The following ADGRE1 variants were observed in gnomAD, a reference collection of about 807,000 sequenced individuals.
ADGRE1 encodes EGF-like module receptor 1.
In ADGRE1, 82 loss-of-function variants were observed where a neutral mutation model predicts 102.7. The ratio of observed to expected loss-of-function variants is 0.80; its 90% CI spans 0.67 to 0.96. ADGRE1 has a LOEUF of 0.96. Among genes scored for constraint, ADGRE1 ranks in the 40% least tolerant of loss-of-function variants. The pLI, the probability that ADGRE1 is intolerant of heterozygous loss-of-function variation, is 0.00. For synonymous variants in ADGRE1, 398 were observed against 399.6 expected, an observed-to-expected ratio of 1.00 and a Z score of 0.05; for missense variants, 1,032 against 1,085.3, an observed-to-expected ratio of 0.95 and a Z score of 0.69.
At chr19:6,919,194 G>A (rs914396679) in intron 12 of ADGRE1, among the ~76,000 whole-genome samples, 2 of 152,004 alleles carry the variant, frequency 1.3e-5, no homozygotes, top group Admixed American at 6.6e-5. Context: ...CACCACGCCC[G>A]GCTAATTTTT....
rs944291807 is a variant in ADGRE1, at chr19:6,897,311, C to G, written c.394+7C>G. The stretch of plus-strand genomic sequence containing the variant: ...GGCAATTTCTCCTGTACTGGTAATG[C>G]TCTCAGGTTCCCAGGGATGGGTCTT... On this transcript the variant is annotated splice_region_variant and intron_variant, in intron 4 of 20. Transcript: ENST00000312053. The G allele has an allele frequency of 1.2e-6, 2 of 1,613,846 alleles. No individual in the cohort carries two copies. The highest frequency in any genetic ancestry group is 1.3e-5 in the African/African-American group (1 of 74,932).
intron 20 of ADGRE1, among the ~76,000 whole-genome samples, chr19:6,938,084 C>T (rs1975503064): frequency 6.6e-6 from 1 of 151,838 alleles, no homozygotes; most frequent in African/African-American, 2.4e-5. Context: ...CACCTGTAAT[C>T]CCAACACTTT....
intron 2 of ADGRE1, among the ~76,000 whole-genome samples, chr19:6,892,445 A>G (rs1177069536): frequency 2.6e-5 from 4 of 152,114 alleles, no homozygotes; most frequent in Non-Finnish European, 5.9e-5. Context: ...TGTTGCTTTA[A>G]AAAAATCCTG....
chr19:6,887,727 C>T (rs1973203044), intron 1 of ADGRE1, 88 bp downstream of exon 1: 1 of 1,411,330 alleles, frequency 7.1e-7, no homozygotes, highest in Non-Finnish European at 9.7e-7. Context: ...ATGGTCCAGC[C>T]AAGAGATCAT....
chr19:6,908,921 G>A, intron 10 of ADGRE1, 149 bp downstream of exon 10: 3 of 681,248 alleles, frequency 4.4e-6, no homozygotes, highest in Non-Finnish European at 7.2e-6. Context: ...ATCACTTGAG[G>A]TCAGGAGTTC....
Position 6,898,368 on chromosome 19 carries a change from G to T in ADGRE1, c.514+821G>T, listed in dbSNP as rs935637508. ...GTCCTAATTCATCCTGCAAAAACAT[G>T]TCAGGGAGGTACAAGTGCAGCTGTT... On this transcript the variant is annotated intron_variant, in intron 5 of 20. Coordinates refer to ENST00000312053, the MANE Select transcript of ADGRE1 (RefSeq NM_001974.5). 11 of 1,598,554 alleles carry T rather than the reference G, an allele frequency of 6.9e-6. No homozygotes were observed. In the African/African-American group the frequency reaches 1.3e-4, roughly 20 times the overall value.
At position 6,902,029 on chromosome 19, in the gene ADGRE1, G is replaced by C. The variant is rs1383925753; in HGVS notation, c.661+8G>C. The C allele has an allele frequency of 6.8e-6, 11 of 1,613,952 alleles. No homozygotes were observed. Among genetic ancestry groups the C allele is most frequent in the African/African-American group, 1.3e-5 (1 of 74,916 alleles). ...TCAAAGCATCGTGTGAAGGTAGGTG[G>C]GGGTGTCTTCTGAGAAGTCAGGTCC... On this transcript the variant is annotated splice_region_variant and intron_variant, in intron 6 of 20. Coordinates refer to ENST00000312053, the MANE Select transcript of ADGRE1 (RefSeq NM_001974.5).
At chr19:6,908,410 C>T (rs988945887) in intron 9 of ADGRE1, among the ~76,000 whole-genome samples, 6 of 152,168 alleles carry the variant, frequency 3.9e-5, no homozygotes, top group African/African-American at 7.2e-5. Context: ...TCTCTAGTGC[C>T]GCTGGCTTAG....
At chr19:6,930,553 A>T (rs1320979397) in intron 17 of ADGRE1, among the ~76,000 whole-genome samples, 1 of 152,244 alleles carries the variant, frequency 6.6e-6, no homozygotes. Context: ...TCAACGAGGT[A>T]TCTGTCCCCT....
chr19:6,893,181 ATTCT>A (rs1973437973), intron 2 of ADGRE1, among the ~76,000 whole-genome samples: 2 of 152,026 alleles, frequency 1.3e-5, no homozygotes, highest in Non-Finnish European at 2.9e-5. Context: ...ATGGGATTTC[ATTCT>A]TTCTTTCTTT....
chr19:6,930,144 C>T (rs1188334397), intron 17 of ADGRE1, among the ~76,000 whole-genome samples: 1 of 152,170 alleles, frequency 6.6e-6, no homozygotes, highest in Non-Finnish European at 1.5e-5. Context: ...ACTTCCTTAC[C>T]CTCACTATCT....
intron 11 of ADGRE1, among the ~76,000 whole-genome samples, chr19:6,914,558 A>G (rs1404145102): frequency 6.6e-6 from 1 of 152,256 alleles, no homozygotes; most frequent in African/African-American, 2.4e-5. Flanking sequence ...TATCATTCAC[A>G]TAAACCTACG....
intron 10 of ADGRE1, among the ~76,000 whole-genome samples, chr19:6,910,599 T>C (rs1974139614): frequency 8.1e-6 from 1 of 122,884 alleles, no homozygotes; most frequent in African/African-American, 2.9e-5. Flanking sequence ...TGAGATGGAG[T>C]CTTGCTCTGT....
rs150237278 is a variant in ADGRE1 at position 6,933,739 on chromosome 19, G to C, written c.2290-1248G>C. 4.7e-3 allele frequency among the ~76,000 whole-genome samples: 721 copies of C among 152,208 alleles called. 5 individuals are homozygous for C. Among genetic ancestry groups the C allele is most frequent in the African/African-American group, 0.017 (697 of 41,532 alleles). On this transcript the variant is annotated intron_variant, in intron 17 of 20. Coordinates refer to ENST00000312053, the MANE Select transcript of ADGRE1 (RefSeq NM_001974.5). ...GAGAGGTGGGTTCTACTGCCATTTAGTGCATAGAAGCCAGGGATGCTGGTT... is the reference window on the plus strand; with the variant it reads ...GAGAGGTGGGTTCTACTGCCATTTACTGCATAGAAGCCAGGGATGCTGGTT...
intron 12 of ADGRE1, among the ~76,000 whole-genome samples, chr19:6,917,349 T>C (rs999712968): frequency 3.9e-5 from 6 of 152,096 alleles, no homozygotes; most frequent in Non-Finnish European, 7.4e-5. Flanking sequence ...ACAGGAAGTA[T>C]AAGCTATGGC....
intron 18 of ADGRE1, among the ~76,000 whole-genome samples, chr19:6,936,783 C>T (rs542322126): frequency 1.2e-4 from 18 of 152,110 alleles, no homozygotes; most frequent in African/African-American, 3.6e-4. Flanking sequence ...CCACCGTGCC[C>T]GGCTAATTTT....
At chr19:6,906,601 C>A in intron 9 of ADGRE1, 80 bp downstream of exon 9, 1 of 1,344,720 alleles carries the variant, frequency 7.4e-7, no homozygotes, top group Non-Finnish European at 1.0e-6. Flanking sequence ...GCAGTTCTAA[C>A]AAAGGCAAAA....
intron 14 of ADGRE1, among the ~76,000 whole-genome samples, chr19:6,924,403 T>C (rs1974796563): frequency 6.6e-6 from 1 of 152,180 alleles, no homozygotes; most frequent in Non-Finnish European, 1.5e-5. Flanking sequence ...ATCCAGGACC[T>C]TAGTTCCAAA....
rs138426789 is a variant in ADGRE1, at chr19:6,889,539, A to G, written c.32-942A>G. ...CCCCGTTTCTACTAAAAATGCAAAAATTAGCTGGGCGTGGTGGTGCGTGCT... is the reference window on the plus strand; with the variant it reads ...CCCCGTTTCTACTAAAAATGCAAAAGTTAGCTGGGCGTGGTGGTGCGTGCT... On this transcript the variant is annotated intron_variant, in intron 1 of 20. Coordinates refer to ENST00000312053, the MANE Select transcript of ADGRE1 (RefSeq NM_001974.5). Among the ~76,000 whole-genome samples, 367 of 151,876 alleles carry G rather than the reference A, an allele frequency of 2.4e-3. 3 individuals are homozygous for G. Among genetic ancestry groups the G allele is most frequent in the African/African-American group, 8.6e-3 (356 of 41,380 alleles).
Sources: gnomAD v4.1 joint callset for allele counts (sites outside exome capture counted in the v4.1 genomes callset) on GRCh38, gnomAD v4.1.1 for gene constraint, MANE v1.5 for transcripts, NCBI Gene and HGNC (gene_info 2026-07-23, HGNC 2026-07-21) for gene names.